The following ACTA2 variants were observed in gnomAD, a reference collection of about 807,000 sequenced individuals.
ACTA2 encodes actin, aortic smooth muscle.
Under a neutral mutation model 39.5 loss-of-function variants are expected in ACTA2, and 12 were observed. The ratio of observed to expected loss-of-function variants is 0.30; its 90% CI spans 0.19 to 0.49. The LOEUF is 0.49. Ranked by LOEUF, ACTA2 falls within the 20% of genes least tolerant of loss-of-function variation. The pLI, the probability that ACTA2 is intolerant of heterozygous loss-of-function variation, is 0.99. For synonymous variants in ACTA2, 158 were observed against 180.6 expected (o/e 0.88, Z 1.00); for missense variants, 236 against 498.8 (o/e 0.47, Z 5.02).
In ACTA2 at chr10:88,947,265, A is replaced by G. The variant is rs1589398956; in HGVS notation, c.251T>C (p.Met84Thr). ...GCAGCAAACCTCCCATACCTTTTCC[A>G]TGTCGTCCCAGTTGGTGATGATGCC... ...EHGIITNWDD[M>T]EKIWHHSFYN... The change falls in exon 3 of 9, where the codon ATG (methionine) becomes ACG (threonine). Residue 84 changes from methionine to threonine, a missense_variant. Physicochemically the swap from Met to Thr is moderately conservative, Grantham distance 81 (BLOSUM62 -1). Transcript: ENST00000224784. 6.2e-7 allele frequency: 1 copy of G among 1,613,754 alleles called. No individual in the cohort carries two copies. Among genetic ancestry groups the G allele is most frequent in the East Asian group, 2.2e-5 (1 of 44,862 alleles).
chr10:88,939,661 C>T lies in ACTA2; in HGVS notation c.654G>A (p.Leu218=), dbSNP rs1437442292. 2 of 1,613,920 alleles carry T rather than the reference C, an allele frequency of 1.2e-6. No homozygotes were observed. Among genetic ancestry groups the T allele is most frequent in the East Asian group, 2.2e-5 (1 of 44,818 alleles). The change falls in exon 7 of 9, where the codon CTG becomes CTA. Residue 218 remains leucine (L), a synonymous_variant. Coordinates refer to ENST00000224784, the MANE Select transcript of ACTA2 (RefSeq NM_001613.4). ...REIVRDIKEK[L]CYVALDFENE... Reference sequence around the variant, plus strand: ...TTTCAAAGTCCAGAGCTACATAACACAGTTTCTCCTTGATGTCCCGGACAA... The same window carrying T: ...TTTCAAAGTCCAGAGCTACATAACATAGTTTCTCCTTGATGTCCCGGACAA...
At chr10:88,985,087 C>T (rs182313431) in intron 1 of ACTA2, among the ~76,000 whole-genome samples, 1 of 152,204 alleles carries the variant, frequency 6.6e-6, no homozygotes, top group Admixed American at 6.5e-5. Context: ...ATTGCTACAA[C>T]AAAATAATAA....
intron 2 of ACTA2, 138 bp downstream of exon 2, chr10:88,948,664 G>T: frequency 8.4e-7 from 1 of 1,187,440 alleles, no homozygotes; most frequent in Non-Finnish European, 1.2e-6. Flanking sequence ...TTTACTCCTG[G>T]ACCTTAATCA....
At chr10:88,979,812 G>T (rs1337481763) in intron 1 of ACTA2, among the ~76,000 whole-genome samples, 1 of 152,176 alleles carries the variant, frequency 6.6e-6, no homozygotes, top group Non-Finnish European at 1.5e-5. Flanking sequence ...AGGATCCAGA[G>T]AGCAACAGCA....
At chr10:88,976,881 T>C (rs1406452170) in intron 1 of ACTA2, among the ~76,000 whole-genome samples, 1 of 152,222 alleles carries the variant, frequency 6.6e-6, no homozygotes, top group Non-Finnish European at 1.5e-5. Flanking sequence ...TCTTAGAGGC[T>C]CAAACCAATG....
intron 1 of ACTA2, among the ~76,000 whole-genome samples, chr10:88,965,767 G>A (rs373474283): frequency 2.0e-5 from 3 of 152,192 alleles, no homozygotes; most frequent in East Asian, 3.8e-4. Context: ...TAAAGAAACA[G>A]CAGACTCCAT....
chr10:88,965,066 C>T (rs1422974880), intron 1 of ACTA2, among the ~76,000 whole-genome samples: 3 of 152,242 alleles, frequency 2.0e-5, no homozygotes, highest in African/African-American at 7.2e-5. Context: ...ATGTTTCTGC[C>T]TTATTTTAAA....
intron 4 of ACTA2, 45 bp from the exon 5 acceptor site, chr10:88,941,914 G>A (rs748641367): frequency 6.5e-7 from 1 of 1,549,168 alleles, no homozygotes; most frequent in South Asian, 1.2e-5. Flanking sequence ...GTGCCCATCT[G>A]ACAAAGAATG....
chr10:88,939,905 T>C (rs1012570221), intron 6 of ACTA2: 26 of 600,814 alleles, frequency 4.3e-5, no homozygotes, highest in Non-Finnish European at 7.2e-5. Flanking sequence ...GTCTCATGCA[T>C]AGTAGGCCCT....
chr10:88,967,837 G>C (rs536539970), intron 1 of ACTA2, among the ~76,000 whole-genome samples: 3 of 152,096 alleles, frequency 2.0e-5, no homozygotes, highest in Non-Finnish European at 2.9e-5. Flanking sequence ...ACAGGAAAAT[G>C]GTTGGCAAAG....
chr10:88,976,071 A>G (rs1339197556), intron 1 of ACTA2, among the ~76,000 whole-genome samples: 1 of 152,192 alleles, frequency 6.6e-6, no homozygotes, highest in East Asian at 1.9e-4. Flanking sequence ...ACTATTATCA[A>G]TTAGTTATAG....
At chr10:88,941,725 A>G (rs1589394521) in intron 5 of ACTA2, 60 bp downstream of exon 5, 1 of 1,477,426 alleles carries the variant, frequency 6.8e-7, no homozygotes, top group East Asian at 2.3e-5. Context: ...GTTAACGACC[A>G]TTCAATCCCA....
upstream of ACTA2, among the ~76,000 whole-genome samples, chr10:88,954,362 A>G (rs1846099529): frequency 1.3e-5 from 2 of 152,242 alleles, no homozygotes; most frequent in Admixed American, 1.3e-4. Flanking sequence ...TTTACCAACC[A>G]GAAAACACGG....
upstream of ACTA2, among the ~76,000 whole-genome samples, chr10:88,953,458 C>T (rs1033212594): frequency 3.3e-5 from 5 of 152,044 alleles, no homozygotes; most frequent in Admixed American, 2.0e-4. Flanking sequence ...AATTTGTCAC[C>T]GAGCAATTTA....
chr10:88,955,635 A>G (rs1432937437), upstream of ACTA2, among the ~76,000 whole-genome samples: 2 of 152,196 alleles, frequency 1.3e-5, no homozygotes, highest in Non-Finnish European at 2.9e-5. Context: ...ACTTTCTATG[A>G]AGGTCTAAAG....
Position 88,943,961 on chromosome 10 carries a change from T to A in ACTA2, c.259-54A>T, listed in dbSNP as rs1589396384. 6.5e-6 allele frequency: 10 copies of A among 1,528,046 alleles called. No individual in the cohort carries two copies. In the East Asian group the frequency reaches 2.3e-4, roughly 34 times the overall value. 94.7% of individuals were successfully genotyped at this position (1,528,046 alleles called of 1,614,324 possible). ...ACAATGATGTGCTGTCATGAGGTCC[T>A]GCATTTCCCAAAAAGGGACCAGAAG... On this transcript the variant is annotated intron_variant, in intron 3 of 8. Coordinates refer to ENST00000224784, the MANE Select transcript of ACTA2 (RefSeq NM_001613.4).
intron 1 of ACTA2, among the ~76,000 whole-genome samples, chr10:88,984,344 G>T (rs2133357938): frequency 6.6e-6 from 1 of 152,082 alleles, no homozygotes; most frequent in African/African-American, 2.4e-5. Context: ...GGTCCCAGAG[G>T]TCTCTCCCAT....
chr10:88,983,958 T>A (rs572676510), intron 1 of ACTA2, among the ~76,000 whole-genome samples: 4 of 149,602 alleles, frequency 2.7e-5, no homozygotes, highest in Non-Finnish European at 5.9e-5. Context: ...GGCTGCCTAG[T>A]TATCCTTGTT....
At chr10:88,956,398 CTCTT>C (rs899776844), upstream of ACTA2, among the ~76,000 whole-genome samples, 6 of 152,186 alleles carry the variant, frequency 3.9e-5, no homozygotes, top group Non-Finnish European at 8.8e-5. Context: ...TCTTCAAACT[CTCTT>C]TCTGACACTA....
Sources: allele counts gnomAD v4.1 joint callset (sites outside exome capture counted in the v4.1 genomes callset), GRCh38; gene constraint gnomAD v4.1.1; transcripts MANE v1.5; gene names NCBI Gene and HGNC (gene_info 2026-07-23, HGNC 2026-07-21).